Variants in NWD2 observed in about 807,000 individuals in gnomAD.
NWD2 encodes NACHT and WD repeat domain-containing protein 2.
A neutral mutation model predicts 132.7 loss-of-function variants in NWD2; 37 were observed. The ratio of observed to expected loss-of-function variants is 0.28; its 90% CI spans 0.21 to 0.37. NWD2 has a LOEUF of 0.37. Among genes scored for constraint, NWD2 ranks in the 10% least tolerant of loss-of-function variants. NWD2 has a pLI of 1.00. For synonymous variants in NWD2, 705 were observed against 803.0 expected, an observed-to-expected ratio of 0.88 and a Z score of 2.06; for missense variants, 1,592 against 2,122.4, an observed-to-expected ratio of 0.75 and a Z score of 4.91.
intron 3 of NWD2, among the ~76,000 whole-genome samples, chr4:37,405,494 A>AGAAT (rs1720984601): frequency 6.9e-6 from 1 of 144,362 alleles, no homozygotes; most frequent in African/African-American, 2.6e-5. Context: ...TAGAATAGAA[A>AGAAT]ACATCAGGGC....
intron 5 of NWD2, among the ~76,000 whole-genome samples, chr4:37,435,618 TAAA>T (rs368669016): frequency 0.024 from 3,720 of 152,174 alleles, 59 homozygotes; most frequent in Middle Eastern, 0.058. Context: ...ATTATTTATG[TAAA>T]AAACACCAGT....
chr4:37,313,121 A>G (rs1431173353), intron 1 of NWD2, among the ~76,000 whole-genome samples: 3 of 151,134 alleles, frequency 2.0e-5, no homozygotes, highest in Non-Finnish European at 2.9e-5. Context: ...TGGCTTTGGT[A>G]TCAGGATGAG....
At chr4:37,249,129 T>A (rs1717301529) in intron 1 of NWD2, among the ~76,000 whole-genome samples, 1 of 152,198 alleles carries the variant, frequency 6.6e-6, no homozygotes, top group Admixed American at 6.5e-5. Context: ...TTTATACAAT[T>A]TTAATGGATT....
intron 1 of NWD2, among the ~76,000 whole-genome samples, chr4:37,265,737 C>T (rs1397518905): frequency 6.6e-6 from 1 of 151,948 alleles, no homozygotes; most frequent in Admixed American, 6.6e-5. Flanking sequence ...CTTATGCCTC[C>T]CTCTTATAAG....
At chr4:37,365,198 A>G (rs1720072363) in intron 3 of NWD2, among the ~76,000 whole-genome samples, 1 of 152,196 alleles carries the variant, frequency 6.6e-6, no homozygotes, top group South Asian at 2.1e-4. Flanking sequence ...TATTTTTAAA[A>G]TCACTTAGCT....
At chr4:37,315,385 C>G (rs897094408) in intron 1 of NWD2, among the ~76,000 whole-genome samples, 3 of 152,024 alleles carry the variant, frequency 2.0e-5, no homozygotes, top group Non-Finnish European at 4.4e-5. Context: ...GTCACCAGCT[C>G]TTGGAATATC....
chr4:37,369,233 A>G (rs1720167391), intron 3 of NWD2, among the ~76,000 whole-genome samples: 1 of 152,204 alleles, frequency 6.6e-6, no homozygotes, highest in South Asian at 2.1e-4. Flanking sequence ...TTAATCAGAC[A>G]GAATGAATAA....
At chr4:37,413,119 A>G (rs1443961867) in intron 3 of NWD2, among the ~76,000 whole-genome samples, 1 of 152,224 alleles carries the variant, frequency 6.6e-6, no homozygotes, top group African/African-American at 2.4e-5. Context: ...AAATTGACAA[A>G]TGGGATCTAA....
At chr4:37,276,526 C>T (rs1718016432) in intron 1 of NWD2, among the ~76,000 whole-genome samples, 1 of 152,136 alleles carries the variant, frequency 6.6e-6, no homozygotes. Flanking sequence ...TTGTGGAAGT[C>T]AGTGTGGTGA....
chr4:37,280,656 G>C (rs560533316), intron 1 of NWD2, among the ~76,000 whole-genome samples: 4 of 152,252 alleles, frequency 2.6e-5, no homozygotes, highest in African/African-American at 9.6e-5. Context: ...ACTCAAGCTA[G>C]GTTAACTCTA....
intron 1 of NWD2, among the ~76,000 whole-genome samples, chr4:37,276,390 A>G (rs1424942432): frequency 1.3e-5 from 2 of 152,218 alleles, no homozygotes; most frequent in African/African-American, 4.8e-5. Context: ...AACCACAATG[A>G]GATAACCTCT....
At chr4:37,285,226 A>T (rs1038618613) in intron 1 of NWD2, among the ~76,000 whole-genome samples, 1 of 152,146 alleles carries the variant, frequency 6.6e-6, no homozygotes, top group East Asian at 1.9e-4. Context: ...CCAACACACT[A>T]TGTAACTTTT....
intron 1 of NWD2, among the ~76,000 whole-genome samples, chr4:37,262,220 G>A (rs1010771373): frequency 3.3e-5 from 5 of 152,186 alleles, no homozygotes; most frequent in African/African-American, 1.2e-4. Flanking sequence ...ATTCATAGAA[G>A]TCAACTTTAC....
intron 1 of NWD2, among the ~76,000 whole-genome samples, chr4:37,300,341 C>T (rs1328161728): frequency 6.6e-6 from 1 of 152,024 alleles, no homozygotes; most frequent in Non-Finnish European, 1.5e-5. Flanking sequence ...CGTGGCAAGC[C>T]CTTGTTAAGA....
chr4:37,431,509 A>G (rs904927489), intron 4 of NWD2, among the ~76,000 whole-genome samples: 11 of 152,166 alleles, frequency 7.2e-5, no homozygotes, highest in African/African-American at 2.7e-4. Context: ...GTATTTACAA[A>G]GGTCTGGGAT....
At chr4:37,294,809 G>A (rs938729980) in intron 1 of NWD2, among the ~76,000 whole-genome samples, 8 of 152,134 alleles carry the variant, frequency 5.3e-5, no homozygotes, top group Non-Finnish European at 1.2e-4. Flanking sequence ...TATCTGAGAC[G>A]AATCTCAATC....
At chr4:37,286,026 G>A (rs966186388) in intron 1 of NWD2, among the ~76,000 whole-genome samples, 7 of 152,160 alleles carry the variant, frequency 4.6e-5, no homozygotes, top group Admixed American at 1.3e-4. Flanking sequence ...GCATTTAAAC[G>A]TCTTGCCAAT....
chr4:37,397,671 G>T (rs1577690269), intron 3 of NWD2, among the ~76,000 whole-genome samples: 1 of 152,258 alleles, frequency 6.6e-6, no homozygotes, highest in East Asian at 1.9e-4. Context: ...CAGGTTCATT[G>T]TAAGTACAGA....
chr4:37,376,310 GTAAAT>G (rs1401988194), intron 3 of NWD2, among the ~76,000 whole-genome samples: 3 of 152,278 alleles, frequency 2.0e-5, no homozygotes, highest in African/African-American at 7.2e-5. Context: ...TAAAACACTT[GTAAAT>G]TAAATTAGAT....
Sources: gnomAD v4.1 joint callset for allele counts (sites outside exome capture counted in the v4.1 genomes callset) on GRCh38, gnomAD v4.1.1 for gene constraint, MANE v1.5 for transcripts, NCBI Gene and HGNC (gene_info 2026-07-23, HGNC 2026-07-21) for gene names.